Variants in TBCD observed in about 807,000 individuals in gnomAD.
TBCD encodes the protein tubulin-specific chaperone D.
A neutral mutation model predicts 169.3 loss-of-function variants in TBCD; 105 were observed. The ratio of observed to expected loss-of-function variants is 0.62; its 90% CI spans 0.53 to 0.73. The LOEUF (loss-of-function observed/expected upper bound fraction) is 0.73. Ranked by LOEUF, TBCD falls within the 30% of genes least tolerant of loss-of-function variation. TBCD has a pLI of 0.00. For missense variants in TBCD, 1,444 were observed against 1,600.1 expected (o/e 0.90, Z 1.66); for synonymous variants, 700 against 643.9 (o/e 1.09, Z -1.32).
chr17:82,831,585 C>T lies in TBCD; in HGVS notation c.1318+16651C>T, dbSNP rs117000095. ...GAGATGGAGCCAGGTGCTTAGGGAT[C>T]GGCCCCGGGTGAGGCAGGAAGTGTC... is the stretch of plus-strand genomic sequence containing the variant. On this transcript the variant is annotated intron_variant, in intron 13 of 38. Transcript: ENST00000355528. This position sits in a 1 kb window ranked among gnomAD's most constrained non-coding sequence, Gnocchi z 4.6. 6.0e-5 allele frequency: 97 copies of T among 1,614,056 alleles called. No homozygotes were observed. The East Asian group carries it at 2.0e-3, about 34-fold the overall frequency.
intron 33 of TBCD, 102 bp from the exon 34 acceptor site, chr17:82,932,556 G>A (rs996133402): frequency 5.7e-6 from 5 of 870,692 alleles, no homozygotes; most frequent in African/African-American, 3.3e-5. Context: ...TATAAAGGGG[G>A]CTTGTCGCTT....
chr17:82,924,993 G>A lies in TBCD; in HGVS notation c.2315G>A (p.Arg772His). 1 of 1,575,636 alleles carries A rather than the reference G, an allele frequency of 6.3e-7. No homozygotes were observed. Among genetic ancestry groups the A allele is most frequent in the Non-Finnish European group, 8.6e-7 (1 of 1,159,466 alleles). Residue 772 changes from arginine (R) to histidine (H), a missense_variant, in exon 27 of 39, where the codon CGC becomes CAC. Transcript: ENST00000355528. ...CTTCGGAACCCCGAGGAGATGACTC[G>A]CTGTGGCTTCTCGTTGGCCTTGGGC... is the stretch of plus-strand genomic sequence containing the variant. Reference protein sequence around the residue: ...AELRNPEEMTRCGFSLALGAL... With the variant: ...AELRNPEEMTHCGFSLALGAL...
chr17:82,766,140 A>T, intron 3 of TBCD, 127 bp from the exon 4 acceptor site: 1 of 736,070 alleles, frequency 1.4e-6, no homozygotes, highest in Non-Finnish European at 2.3e-6. Context: ...GTGTCACTGT[A>T]ATGTCACAGA....
At chr17:82,901,054 T>C (rs1198344813) in intron 18 of TBCD, among the ~76,000 whole-genome samples, 1 of 152,252 alleles carries the variant, frequency 6.6e-6, no homozygotes, top group Non-Finnish European at 1.5e-5. Context: ...GTTGTCTCCC[T>C]CAGCAGTGCT....
In TBCD at chr17:82,874,602, G is replaced by T. The variant is rs1407182564; in HGVS notation, c.1475+4222G>T. ...CTTGGAGCCGTGCCCGCCGGCCTGG[G>T]TGTCAGGCTTGTCCAACGGGTTCTT... On this transcript the variant is annotated intron_variant, in intron 14 of 38. Transcript: ENST00000355528. This position sits in a 1 kb window ranked among gnomAD's most constrained non-coding sequence, Gnocchi z 5.0. Among the ~76,000 whole-genome samples, 1 of 152,170 alleles carries T rather than the reference G, an allele frequency of 6.6e-6. No homozygotes were observed. The highest frequency in any genetic ancestry group is 1.5e-5 in the Non-Finnish European group (1 of 68,030).
At chr17:82,784,921 C>T (rs1052933342) in intron 7 of TBCD, among the ~76,000 whole-genome samples, 85 of 152,296 alleles carry the variant, frequency 5.6e-4, no homozygotes, top group African/African-American at 1.9e-3. Context: ...CCACTGGACC[C>T]GACCCATCGC....
chr17:82,893,938 G>T (rs750354763), intron 17 of TBCD, among the ~76,000 whole-genome samples: 1 of 152,080 alleles, frequency 6.6e-6, no homozygotes, highest in East Asian at 1.9e-4. Context: ...TCTCCTGGTC[G>T]CCCCGTTTTA....
intron 2 of TBCD, among the ~76,000 whole-genome samples, chr17:82,763,656 G>C (rs1456664591): frequency 1.3e-5 from 2 of 152,244 alleles, no homozygotes; most frequent in East Asian, 1.9e-4. Context: ...GAGGAGAATA[G>C]CCTGAACCCG....
intron 36 of TBCD, 64 bp from the exon 37 acceptor site, chr17:82,939,303 G>A: frequency 7.3e-7 from 1 of 1,363,476 alleles, no homozygotes; most frequent in African/African-American, 1.4e-5. Context: ...CCTGGGTCCT[G>A]TCGTCTCTCC....
rs180967583 is a variant in TBCD, at chr17:82,867,181, G to T, written c.1319-3043G>T. On this transcript the variant is annotated intron_variant, in intron 13 of 38. Coordinates refer to ENST00000355528, the MANE Select transcript of TBCD (RefSeq NM_005993.5). ...TCCCCCAGCACCTCCGTGGCCTGGG[G>T]TGGGGGGTCTGTGTCCTCCCTTGGG... Among the ~76,000 whole-genome samples, 46 of 125,266 alleles carry T rather than the reference G, an allele frequency of 3.7e-4. 1 individual carries two copies. The South Asian group carries it at 0.013, about 35-fold the overall frequency. The allele number at this position is 125,266 out of a possible 152,430, so 82.2% of individuals were successfully genotyped here.
At chr17:82,893,148 A>G (rs977357394) in intron 16 of TBCD, 9 of 227,192 alleles carry the variant, frequency 4.0e-5, no homozygotes, top group Non-Finnish European at 7.9e-5. Flanking sequence ...GTGTGCACCG[A>G]CCTGCCAGCT....
chr17:82,755,317 G>A (rs1465136209), intron 1 of TBCD, among the ~76,000 whole-genome samples: 1 of 152,158 alleles, frequency 6.6e-6, no homozygotes, highest in African/African-American at 2.4e-5. Context: ...GACTAAAAAG[G>A]TACCAGACTT....
intron 13 of TBCD, among the ~76,000 whole-genome samples, chr17:82,817,872 T>C (rs187351310): frequency 1.1e-4 from 16 of 152,294 alleles, no homozygotes; most frequent in Admixed American, 8.5e-4. Context: ...AACCATGAAG[T>C]TGTGGTTTCA....
intron 14 of TBCD, among the ~76,000 whole-genome samples, chr17:82,881,372 G>A (rs1246200370): frequency 6.6e-6 from 1 of 152,274 alleles, no homozygotes; most frequent in Non-Finnish European, 1.5e-5. Context: ...CAGGCCGCTT[G>A]CCGCCGATGA....
At chr17:82,795,425 C>A in intron 7 of TBCD, 1 of 496,028 alleles carries the variant, frequency 2.0e-6, no homozygotes, top group Non-Finnish European at 2.6e-6. Flanking sequence ...CACAGCTGCA[C>A]AGCTGCTCTT....
At chr17:82,846,253 G>A (rs1356352781) in intron 13 of TBCD, among the ~76,000 whole-genome samples, 1 of 144,382 alleles carries the variant, frequency 6.9e-6, no homozygotes, top group African/African-American at 2.6e-5. Flanking sequence ...CCCTCCACGC[G>A]CTGCGTCCTC....
At chr17:82,800,799 C>T (rs1286428047) in intron 8 of TBCD, 65 bp from the exon 9 acceptor site, 11 of 1,545,256 alleles carry the variant, frequency 7.1e-6, no homozygotes, top group Non-Finnish European at 9.6e-6. Context: ...GTTTCGGGGA[C>T]ACAGGTGGTG....
chr17:82,868,964 A>G (rs1031631136), intron 13 of TBCD, among the ~76,000 whole-genome samples: 1 of 151,110 alleles, frequency 6.6e-6, no homozygotes, highest in Non-Finnish European at 1.5e-5. Flanking sequence ...GGTCGTGTGC[A>G]GAGCCCCGAA....
intron 8 of TBCD, among the ~76,000 whole-genome samples, chr17:82,799,458 AAAAAAG>A (rs1225745607): frequency 5.8e-4 from 88 of 151,206 alleles, no homozygotes; most frequent in African/African-American, 2.1e-3. Context: ...AAAAAAAAAA[AAAAAAG>A]AAACTATCCG....
Sources: gnomAD v4.1 joint callset for allele counts (sites outside exome capture counted in the v4.1 genomes callset) on GRCh38, gnomAD v4.1.1 for gene constraint, Gnocchi (gnomAD v3.1) non-coding constraint, MANE v1.5 for transcripts, NCBI Gene and HGNC (gene_info 2026-07-23, HGNC 2026-07-21) for gene names.